ANTXR1: variants seen among roughly 807,000 people sequenced by gnomAD.
ANTXR1 encodes anthrax toxin receptor 1.
A neutral mutation model predicts 78.1 loss-of-function variants in ANTXR1; 19 were observed. The observed-to-expected ratio is 0.24, with a 90% CI of 0.17 to 0.36. The LOEUF (loss-of-function observed/expected upper bound fraction) is 0.36, where lower values mean the gene tolerates loss of function less well. Among genes scored for constraint, ANTXR1 ranks in the 10% least tolerant of loss-of-function variants. ANTXR1 has a pLI of 1.00. For synonymous variants in ANTXR1, 273 were observed against 260.5 expected (o/e 1.05, Z -0.46); for missense variants, 518 against 718.6 (o/e 0.72, Z 3.19).
In ANTXR1 at chr2:69,246,591, G is replaced by T. The variant is rs919183167; in HGVS notation, c.*1106G>T. 1 of 152,156 alleles carries T rather than the reference G, an allele frequency of 6.6e-6. No individual in the cohort carries two copies. Among genetic ancestry groups the T allele is most frequent in the Non-Finnish European group, 1.5e-5 (1 of 68,042 alleles). The allele number at this position is 152,156 out of a possible 1,614,324, so 9.4% of individuals were successfully genotyped here. On this transcript the variant is annotated 3_prime_UTR_variant, in exon 18 of 18. Coordinates refer to ENST00000303714, the MANE Select transcript of ANTXR1 (RefSeq NM_032208.3). ...TTTGATTAACCCCCATAAGGCATGT[G>T]TGTGTATACAAATATACTTCTCTTT...
In ANTXR1 at chr2:69,040,455, C is replaced by T. The variant is rs575325397; in HGVS notation, c.224+340C>T. ...AATTGGCACATTTTAGCTGGACTCACGTGTAGGGTGTACAGTGTGTAGGAT... is the reference window on the plus strand; with the variant it reads ...AATTGGCACATTTTAGCTGGACTCATGTGTAGGGTGTACAGTGTGTAGGAT... On this transcript the variant is annotated intron_variant, in intron 2 of 17. Transcript: ENST00000303714. 3.3e-5 allele frequency among the ~76,000 whole-genome samples: 5 copies of T among 152,300 alleles called. No individual in the cohort carries two copies. In the East Asian group the frequency reaches 5.8e-4, roughly 18 times the overall value.
intron 12 of ANTXR1, among the ~76,000 whole-genome samples, chr2:69,144,200 G>A (rs1319716375): frequency 7.9e-5 from 12 of 152,206 alleles, no homozygotes; most frequent in Non-Finnish European, 1.8e-4. Flanking sequence ...CCTTCCTGGT[G>A]CTCACAGAGG....
chr2:69,151,686 G>A (rs1673402887), intron 12 of ANTXR1, among the ~76,000 whole-genome samples: 1 of 152,120 alleles, frequency 6.6e-6, no homozygotes, highest in Non-Finnish European at 1.5e-5. Context: ...CCATCAGCAG[G>A]CTCTAGACTT....
chr2:69,084,848 CTTTTTTTT>C (rs10708894), intron 8 of ANTXR1, among the ~76,000 whole-genome samples: 1 of 94,054 alleles, frequency 1.1e-5, no homozygotes, highest in African/African-American at 4.2e-5. Flanking sequence ...GAAAAGGCAA[CTTTTTTTT>C]TTTTTTTTTT....
chr2:69,184,108 C>A (rs2104465669), intron 16 of ANTXR1, among the ~76,000 whole-genome samples: 1 of 152,118 alleles, frequency 6.6e-6, no homozygotes, highest in Admixed American at 6.5e-5. Context: ...CCAATAGCAA[C>A]AAAGATTATT....
intron 11 of ANTXR1, among the ~76,000 whole-genome samples, chr2:69,123,471 A>T (rs1184054747): frequency 6.6e-6 from 1 of 152,200 alleles, no homozygotes; most frequent in Non-Finnish European, 1.5e-5. Flanking sequence ...TCGCTCTGTC[A>T]TCACCATTGC....
intron 17 of ANTXR1, among the ~76,000 whole-genome samples, chr2:69,201,943 G>C (rs1674782666): frequency 6.6e-6 from 1 of 152,186 alleles, no homozygotes; most frequent in Admixed American, 6.5e-5. Flanking sequence ...TGTCAGGGTT[G>C]TGTGAAAGTA....
chr2:69,134,974 CTAT>C (rs1294848069), intron 12 of ANTXR1: 21 of 355,192 alleles, frequency 5.9e-5, no homozygotes, highest in Middle Eastern at 6.2e-4. Context: ...ATTATGATTA[CTAT>C]TATTATTATT....
chr2:69,111,326 T>C (rs180725104), intron 10 of ANTXR1, among the ~76,000 whole-genome samples: 176 of 152,310 alleles, frequency 1.2e-3, no homozygotes, highest in African/African-American at 4.1e-3. Context: ...GAGATTCAAA[T>C]GCTAAAAAGG....
chr2:69,189,519 T>G (rs576054405), intron 16 of ANTXR1, among the ~76,000 whole-genome samples: 1 of 152,350 alleles, frequency 6.6e-6, no homozygotes, highest in East Asian at 1.9e-4. Context: ...AGTAAAATTC[T>G]TTATTAATCA....
intron 12 of ANTXR1, chr2:69,145,431 G>T: frequency 6.4e-7 from 1 of 1,561,762 alleles, no homozygotes; most frequent in East Asian, 2.4e-5. Flanking sequence ...CGGGGAGAGA[G>T]GAGCCAAACA....
Position 69,235,649 on chromosome 2 carries a change from C to T in ANTXR1, c.1435-9576C>T, listed in dbSNP as rs1386435840. ...CCTGGGTCACAGAGTGAAACCCCGT[C>T]TCAAAAAAAAAAAAAAAAAAAAAAG... On this transcript the variant is annotated intron_variant, in intron 17 of 17. Coordinates refer to ENST00000303714, the MANE Select transcript of ANTXR1 (RefSeq NM_032208.3). Among the ~76,000 whole-genome samples the T allele has an allele frequency of 2.3e-4, 20 of 87,798 alleles. No homozygotes were observed. In the South Asian group the frequency reaches 7.3e-3, roughly 32 times the overall value. 57.6% of individuals were successfully genotyped at this position (87,798 alleles called of 152,430 possible).
intron 1 of ANTXR1, among the ~76,000 whole-genome samples, chr2:69,034,097 T>G (rs532116470): frequency 2.0e-5 from 3 of 152,370 alleles, no homozygotes; most frequent in East Asian, 3.9e-4. Flanking sequence ...TGCAGAACCC[T>G]GCACTGGGAA....
intron 13 of ANTXR1, among the ~76,000 whole-genome samples, chr2:69,164,158 A>G (rs922517875): frequency 6.6e-6 from 1 of 152,216 alleles, no homozygotes; most frequent in African/African-American, 2.4e-5. Flanking sequence ...AAGTGAATTT[A>G]CATGGAAGCC....
intron 1 of ANTXR1, among the ~76,000 whole-genome samples, chr2:69,018,294 C>A (rs1179049135): frequency 2.0e-5 from 3 of 152,128 alleles, no homozygotes; most frequent in Non-Finnish European, 4.4e-5. Flanking sequence ...TCTTTTTCTT[C>A]CACTGTACAA....
intron 9 of ANTXR1, among the ~76,000 whole-genome samples, chr2:69,097,903 T>G (rs1671483651): frequency 6.6e-6 from 1 of 152,166 alleles, no homozygotes; most frequent in East Asian, 1.9e-4. Context: ...TACTCAGCAA[T>G]AAAAAGCAAT....
intron 14 of ANTXR1, 71 bp from the exon 15 acceptor site, chr2:69,181,715 C>G: frequency 7.0e-7 from 1 of 1,422,394 alleles, no homozygotes; most frequent in Admixed American, 1.7e-5. Flanking sequence ...CTCCTAATCA[C>G]TTGGCTGTAG....
Position 69,134,351 on chromosome 2 carries a change from C to A in ANTXR1, c.951+9708C>A, listed in dbSNP as rs1672851574. On this transcript the variant is annotated intron_variant, in intron 12 of 17. Coordinates refer to ENST00000303714, the MANE Select transcript of ANTXR1 (RefSeq NM_032208.3). ...CAGCTATACCTTTAGAGCCCTAATTCTACAGATTATTTGTTGTATAGATCC... is the reference window on the plus strand; with the variant it reads ...CAGCTATACCTTTAGAGCCCTAATTATACAGATTATTTGTTGTATAGATCC... 2.0e-5 allele frequency among the ~76,000 whole-genome samples: 3 copies of A among 152,168 alleles called. No homozygotes were observed. In the South Asian group the frequency reaches 6.2e-4, roughly 32 times the overall value.
Position 69,193,426 on chromosome 2 carries a change from T to A in ANTXR1, c.1434+11T>A. The A allele has an allele frequency of 6.2e-7, 1 of 1,601,452 alleles. No individual in the cohort carries two copies. Among genetic ancestry groups the A allele is most frequent in the Non-Finnish European group, 8.5e-7 (1 of 1,170,264 alleles). On this transcript the variant is annotated intron_variant, in intron 17 of 17. Transcript: ENST00000303714. Reference sequence around the variant, plus strand: ...CAGCCAGGAGACACGGTAGGACTCGTTAATTCATTAATGGTGTCTCTCTCT... The same window carrying A: ...CAGCCAGGAGACACGGTAGGACTCGATAATTCATTAATGGTGTCTCTCTCT...
Sources: gnomAD v4.1 joint callset for allele counts (sites outside exome capture counted in the v4.1 genomes callset) on GRCh38, gnomAD v4.1.1 for gene constraint, MANE v1.5 for transcripts, NCBI Gene and HGNC (gene_info 2026-07-23, HGNC 2026-07-21) for gene names.